The following TRPM3 variants were observed in gnomAD, a reference collection of about 807,000 sequenced individuals.
TRPM3 encodes the protein transient receptor potential cation channel subfamily M member 3, also known as long transient receptor potential channel 3.
TRPM3 carries 77 observed loss-of-function variants against 181.2 expected under a neutral mutation model. The ratio of observed to expected loss-of-function variants is 0.42; its 90% CI spans 0.35 to 0.51. The LOEUF is 0.51. Ranked by LOEUF, TRPM3 falls within the 20% of genes least tolerant of loss-of-function variation. The pLI is 0.01. For missense variants in TRPM3, 1,759 were observed against 2,196.7 expected, an observed-to-expected ratio of 0.80 and a Z score of 3.98; for synonymous variants, 745 against 796.4, an observed-to-expected ratio of 0.94 and a Z score of 1.09.
At chr9:71,350,000 TATGG>T (rs1255189962) in intron 1 of TRPM3, among the ~76,000 whole-genome samples, 11 of 10,934 alleles carry the variant, frequency 1.0e-3, no homozygotes, top group East Asian at 6.8e-3. Flanking sequence ...TATATATATA[TATGG>T]GCCTAAAAAA....
At chr9:71,108,758 A>C (rs951416371) in intron 1 of TRPM3, among the ~76,000 whole-genome samples, 5 of 152,194 alleles carry the variant, frequency 3.3e-5, no homozygotes, top group Admixed American at 2.6e-4. Flanking sequence ...ACTTCATTTC[A>C]GTCATTGGTA....
At chr9:71,380,630 A>T (rs1223023771) in intron 1 of TRPM3, among the ~76,000 whole-genome samples, 1 of 152,098 alleles carries the variant, frequency 6.6e-6, no homozygotes, top group East Asian at 1.9e-4. Flanking sequence ...AGAAAATAGT[A>T]TGGCTAATAT....
intron 1 of TRPM3, among the ~76,000 whole-genome samples, chr9:71,154,189 A>G (rs2134648758): frequency 6.6e-6 from 1 of 152,304 alleles, no homozygotes; most frequent in African/African-American, 2.4e-5. Flanking sequence ...ATAAACACTT[A>G]TGTTTTAGAT....
chr9:70,570,418 C>G (rs1039927616), intron 22 of TRPM3, among the ~76,000 whole-genome samples: 4 of 148,346 alleles, frequency 2.7e-5, no homozygotes, highest in Non-Finnish European at 5.9e-5. Flanking sequence ...AAGCGATTCT[C>G]CTGCCTCAGC....
chr9:71,107,667 T>C (rs1451803603), intron 1 of TRPM3, among the ~76,000 whole-genome samples: 1 of 152,218 alleles, frequency 6.6e-6, no homozygotes, highest in Admixed American at 6.5e-5. Context: ...TTTTGATGTA[T>C]GAATTGCTAT....
chr9:71,056,856 G>A lies in TRPM3; in HGVS notation c.177+64322C>T, dbSNP rs112024620. On this transcript the variant is annotated intron_variant, in intron 1 of 25. Transcript: ENST00000677713. ...CAGTGTATGTTACTTTGTTATGGCA[G>A]CCCTAGCAAAGCATTGTAGCATGCT... 3.6e-3 allele frequency among the ~76,000 whole-genome samples: 541 copies of A among 152,076 alleles called. 2 individuals are homozygous for A. Among genetic ancestry groups the A allele is most frequent in the Non-Finnish European group, 6.1e-3 (412 of 67,912 alleles).
chr9:71,125,712 T>C (rs1025907250), upstream of TRPM3, among the ~76,000 whole-genome samples: 1 of 152,144 alleles, frequency 6.6e-6, no homozygotes. Context: ...TACATACCAC[T>C]AATGGGATTG....
chr9:70,652,309 C>A (rs527337815), intron 9 of TRPM3, among the ~76,000 whole-genome samples: 1 of 151,806 alleles, frequency 6.6e-6, no homozygotes, highest in African/African-American at 2.4e-5. Flanking sequence ...AAGTGACACC[C>A]GAGGGAGTTG....
At chr9:71,071,284 G>T (rs890399142) in intron 1 of TRPM3, among the ~76,000 whole-genome samples, 1 of 152,156 alleles carries the variant, frequency 6.6e-6, no homozygotes, top group Admixed American at 6.5e-5. Context: ...GCAAGCCCTG[G>T]ACTGTTCCTC....
intron 1 of TRPM3, among the ~76,000 whole-genome samples, chr9:71,291,871 T>C (rs1423415501): frequency 6.6e-6 from 1 of 152,104 alleles, no homozygotes; most frequent in African/African-American, 2.4e-5. Context: ...AGACTTCATA[T>C]TTTTCTCAAG....
intron 25 of TRPM3, among the ~76,000 whole-genome samples, chr9:70,538,863 C>T (rs2042497651): frequency 6.6e-6 from 1 of 152,328 alleles, no homozygotes; most frequent in South Asian, 2.1e-4. Context: ...CCATTTAAGA[C>T]AGAGGCCACA....
In TRPM3 at chr9:70,998,228, TACACAC is replaced by T. The variant is rs34038564; in HGVS notation, c.177+122944_177+122949del. 2.2e-4 allele frequency among the ~76,000 whole-genome samples: 31 copies of T among 143,386 alleles called. 1 individual carries two copies. Among genetic ancestry groups the T allele is most frequent in the African/African-American group, 7.2e-4 (28 of 39,102 alleles). 94.1% of individuals were successfully genotyped at this position (143,386 alleles called of 152,430 possible). ...ATATATATACACATATATATACATA[TACACAC>T]ACACACACACACACACATATATATA... On this transcript the variant is annotated intron_variant, in intron 1 of 25. Coordinates refer to ENST00000677713, the MANE Select transcript of TRPM3 (RefSeq NM_001366145.2).
At chr9:70,745,507 T>C (rs1046845334) in intron 8 of TRPM3, among the ~76,000 whole-genome samples, 5 of 152,218 alleles carry the variant, frequency 3.3e-5, no homozygotes, top group African/African-American at 1.2e-4. Flanking sequence ...ATTAAGATGA[T>C]ATTCAGATAA....
chr9:70,534,727 A>G lies in TRPM3; in HGVS notation c.*1226T>C. The G allele has an allele frequency of 6.6e-6, 1 of 152,244 alleles. No homozygotes were observed. The allele number at this position is 152,244 out of a possible 1,614,324, so 9.4% of individuals were successfully genotyped here. The stretch of plus-strand genomic sequence containing the variant: ...ATTTATAGTTTTGAAACTTCCTTAA[A>G]AAGTACTTTGGAACATTTCCATAGA... On this transcript the variant is annotated 3_prime_UTR_variant, in exon 26 of 26. Transcript: ENST00000677713.
chr9:71,043,919 T>C (rs372453549), intron 1 of TRPM3, among the ~76,000 whole-genome samples: 1 of 152,144 alleles, frequency 6.6e-6, no homozygotes, highest in East Asian at 1.9e-4. Flanking sequence ...CCTGATCCTT[T>C]TTCATCTCTG....
intron 1 of TRPM3, among the ~76,000 whole-genome samples, chr9:71,337,474 G>A (rs2090641806): frequency 6.6e-6 from 1 of 152,130 alleles, no homozygotes; most frequent in African/African-American, 2.4e-5. Flanking sequence ...TTACACTGTT[G>A]GTGGGAGTGT....
chr9:70,616,212 G>T, intron 17 of TRPM3, 137 bp from the exon 18 acceptor site: 1 of 501,518 alleles, frequency 2.0e-6, no homozygotes, highest in Non-Finnish European at 3.3e-6. Flanking sequence ...ACACACAGTT[G>T]TTATATGCTC....
At chr9:70,684,733 G>A (rs1384545391) in intron 8 of TRPM3, among the ~76,000 whole-genome samples, 1 of 152,072 alleles carries the variant, frequency 6.6e-6, no homozygotes, top group Non-Finnish European at 1.5e-5. Flanking sequence ...ATGGTATGTC[G>A]ACATAAAATT....
At chr9:71,134,122 T>C (rs1204442909) in intron 1 of TRPM3, among the ~76,000 whole-genome samples, 1 of 152,148 alleles carries the variant, frequency 6.6e-6, no homozygotes, top group East Asian at 1.9e-4. Flanking sequence ...ACCACAATCC[T>C]TTATTATTCT....
Sources: allele counts gnomAD v4.1 joint callset (sites outside exome capture counted in the v4.1 genomes callset), GRCh38; gene constraint gnomAD v4.1.1; transcripts MANE v1.5; gene names NCBI Gene and HGNC (gene_info 2026-07-23, HGNC 2026-07-21).